GRAMD1B: variants seen among roughly 807,000 people sequenced by gnomAD.
The protein encoded by GRAMD1B is GRAM domain containing 1B, also known as protein Aster-B.
In GRAMD1B, 37 loss-of-function variants were observed where a neutral mutation model predicts 99.7. That is an observed-to-expected ratio of 0.37 (90% CI 0.29 to 0.49). The LOEUF (loss-of-function observed/expected upper bound fraction) is 0.49, where lower values mean the gene tolerates loss of function less well. GRAMD1B is among the 20% of genes least tolerant of loss of function. GRAMD1B has a pLI of 0.98. For synonymous variants in GRAMD1B, 427 were observed against 387.6 expected, an observed-to-expected ratio of 1.10 and a Z score of -1.19; for missense variants, 888 against 1,009.2, an observed-to-expected ratio of 0.88 and a Z score of 1.63.
chr11:123,369,442 T>C (rs966650675), intron 1 of GRAMD1B, among the ~76,000 whole-genome samples: 5 of 151,612 alleles, frequency 3.3e-5, no homozygotes, highest in South Asian at 2.1e-4. Context: ...TAGCAAAAAA[T>C]AAGAACAAAT....
chr11:123,622,516 C>T lies in GRAMD1B; in HGVS notation c.2555C>T (p.Ser852Leu), dbSNP rs538908520. Residue 852 changes from serine (S) to leucine (L), a missense_variant, in exon 20 of 20, where the codon TCG becomes TTG. Ser to Leu is a moderately radical substitution (Grantham distance 145). Coordinates refer to ENST00000635736, the MANE Select transcript of GRAMD1B (RefSeq NM_001387025.1). ...SVMLLDQMKD[S>L]LINLQNGIRS... ...TTTTCTGTCTTGCAGATGAAGGACTCGCTCATCAACCTTCAGAACGGCATC... is the reference window on the plus strand; with the variant it reads ...TTTTCTGTCTTGCAGATGAAGGACTTGCTCATCAACCTTCAGAACGGCATC... The T allele has an allele frequency of 5.2e-6, 8 of 1,552,806 alleles. No individual in the cohort carries two copies. Among genetic ancestry groups the T allele is most frequent in the South Asian group, 1.2e-5 (1 of 84,244 alleles).
chr11:123,506,872 C>G (rs1940488549), intron 2 of GRAMD1B, among the ~76,000 whole-genome samples: 1 of 152,266 alleles, frequency 6.6e-6, no homozygotes, highest in Admixed American at 6.5e-5. Context: ...GCCTCCTGCC[C>G]AGCCCCAACT....
Position 123,480,812 on chromosome 11 carries a change from T to G in GRAMD1B, c.375-4T>G, listed in dbSNP as rs1282503741. The G allele has an allele frequency of 7.5e-6, 3 of 398,756 alleles. No individual in the cohort carries two copies. Among genetic ancestry groups the G allele is most frequent in the African/African-American group, 6.2e-5 (3 of 48,502 alleles). 24.7% of individuals were successfully genotyped at this position (398,756 alleles called of 1,614,324 possible). A position where few individuals can be genotyped will look rare whatever the true frequency, so the allele number is the denominator to read the frequency against. On this transcript the variant is annotated splice_polypyrimidine_tract_variant and splice_region_variant and intron_variant, in intron 1 of 19. Transcript: ENST00000635736. ...AACGGTTGATATCCTATGTCTTTCC[T>G]CAGCAGCCAACAGAGCAGTCAGCAG...
intron 16 of GRAMD1B, 74 bp from the exon 17 acceptor site, chr11:123,614,671 T>A (rs1954100343): frequency 2.5e-6 from 2 of 814,928 alleles, no homozygotes; most frequent in Non-Finnish European, 4.2e-6. Flanking sequence ...GTTTGCTGTT[T>A]GACCAGTGTC....
In GRAMD1B at chr11:123,613,251, T is replaced by C. The variant is rs891198144; in HGVS notation, c.2024-204T>C. ...GGGTGCAGATATTGGGAACATATGG[T>C]TCCTTGCAATGTTGAACAACCCCAG... On this transcript the variant is annotated intron_variant, in intron 15 of 19. Transcript: ENST00000635736. 23 of 587,176 alleles carry C rather than the reference T, an allele frequency of 3.9e-5. No individual in the cohort carries two copies. In the South Asian group the frequency reaches 5.0e-4, roughly 13 times the overall value. 36.4% of individuals were successfully genotyped at this position (587,176 alleles called of 1,614,324 possible).
At chr11:123,464,373 G>A (rs1950569826) in intron 1 of GRAMD1B, among the ~76,000 whole-genome samples, 2 of 152,180 alleles carry the variant, frequency 1.3e-5, no homozygotes, top group Admixed American at 6.5e-5. Flanking sequence ...GGGCCAGCTG[G>A]CATCCACTTG....
At chr11:123,454,988 A>T (rs1215522851) in intron 1 of GRAMD1B, among the ~76,000 whole-genome samples, 1 of 152,216 alleles carries the variant, frequency 6.6e-6, no homozygotes, top group Non-Finnish European at 1.5e-5. Context: ...TTAACTTGTT[A>T]TATCTGAAGG....
chr11:123,554,591 C>T (rs1945984324), intron 2 of GRAMD1B, among the ~76,000 whole-genome samples: 1 of 150,890 alleles, frequency 6.6e-6, no homozygotes, highest in Admixed American at 6.6e-5. Context: ...GTGCCTGTAG[C>T]CCCAGCTATT....
intron 1 of GRAMD1B, among the ~76,000 whole-genome samples, chr11:123,422,509 T>C (rs578021731): frequency 1.5e-3 from 225 of 152,344 alleles, no homozygotes; most frequent in African/African-American, 5.2e-3. Context: ...CTTGACATAA[T>C]ATGTAAAGGC....
At chr11:123,568,690 C>A (rs1179156459) in intron 2 of GRAMD1B, among the ~76,000 whole-genome samples, 1 of 152,212 alleles carries the variant, frequency 6.6e-6, no homozygotes, top group Non-Finnish European at 1.5e-5. Flanking sequence ...TAAATCTAGG[C>A]CGAAGTGTGG....
At chr11:123,577,622 C>G (rs1421831205) in intron 3 of GRAMD1B, 45 bp downstream of exon 3, 15 of 1,425,976 alleles carry the variant, frequency 1.1e-5, no homozygotes, top group African/African-American at 1.4e-5. Context: ...TCAGGGGCTG[C>G]GGGGAGCGAT....
intron 1 of GRAMD1B, among the ~76,000 whole-genome samples, chr11:123,439,673 G>A (rs559399374): frequency 7.2e-5 from 11 of 152,256 alleles, no homozygotes; most frequent in Non-Finnish European, 1.3e-4. Flanking sequence ...GACCAGGCAC[G>A]TCACGGAGGC....
At chr11:123,598,065 G>A (rs1951503820) in intron 7 of GRAMD1B, 3 of 1,499,462 alleles carry the variant, frequency 2.0e-6, no homozygotes, top group Non-Finnish European at 9.3e-7. Context: ...TGCAATTTCA[G>A]TTTGGCCCAC....
At position 123,397,274 on chromosome 11, in the gene GRAMD1B, G is replaced by A. The variant is rs183629427; in HGVS notation, c.-176+38475G>A. 2.4e-4 allele frequency among the ~76,000 whole-genome samples: 36 copies of A among 152,200 alleles called. No individual in the cohort carries two copies. The East Asian group carries it at 7.0e-3, about 29-fold the overall frequency. The stretch of plus-strand genomic sequence containing the variant: ...CAAAAAAAAGTTAGCTGGGCATGGT[G>A]GTGGGTACCTGTAATCCCAGCTACT... On this transcript the variant is annotated intron_variant, in intron 1 of 20. Coordinates refer to the GRAMD1B transcript ENST00000638157.
chr11:123,564,080 G>A (rs1480899746), intron 2 of GRAMD1B, among the ~76,000 whole-genome samples: 4 of 152,226 alleles, frequency 2.6e-5, no homozygotes, highest in South Asian at 2.1e-4. Flanking sequence ...GGAGCGATAT[G>A]AGGGGCAGGA....
chr11:123,515,536 C>T (rs1157378670), intron 2 of GRAMD1B, among the ~76,000 whole-genome samples: 1 of 152,144 alleles, frequency 6.6e-6, no homozygotes, highest in Non-Finnish European at 1.5e-5. Context: ...CAGAGGCTCT[C>T]CTTATAGGAT....
At chr11:123,379,449 C>A (rs960173579) in intron 1 of GRAMD1B, among the ~76,000 whole-genome samples, 6 of 152,134 alleles carry the variant, frequency 3.9e-5, no homozygotes, top group Admixed American at 3.9e-4. Context: ...TTAATTCTGG[C>A]CTTCTGTGTT....
intron 14 of GRAMD1B, among the ~76,000 whole-genome samples, chr11:123,611,409 G>A (rs559213309): frequency 6.6e-6 from 1 of 152,264 alleles, no homozygotes; most frequent in African/African-American, 2.4e-5. Flanking sequence ...ACTCCAGCCT[G>A]GGAGACAGAG....
intron 7 of GRAMD1B, chr11:123,597,905 C>G: frequency 1.1e-6 from 1 of 925,344 alleles, no homozygotes; most frequent in Non-Finnish European, 1.8e-6. Flanking sequence ...CTCAGGGAAG[C>G]CTGGGCTAGC....
Sources: gnomAD v4.1 joint callset for allele counts (sites outside exome capture counted in the v4.1 genomes callset) on GRCh38, gnomAD v4.1.1 for gene constraint, MANE v1.5 for transcripts, NCBI Gene and HGNC (gene_info 2026-07-23, HGNC 2026-07-21) for gene names.